The following ABHD2 variants were observed in gnomAD, a reference collection of about 807,000 sequenced individuals.
The protein encoded by ABHD2 is monoacylglycerol lipase ABHD2.
A neutral mutation model predicts 48.1 loss-of-function variants in ABHD2; 20 were observed. The ratio of observed to expected loss-of-function variants is 0.42; its 90% CI spans 0.29 to 0.60. The LOEUF is 0.60. Among genes scored for constraint, ABHD2 ranks in the 20% least tolerant of loss-of-function variants. The pLI, the probability that ABHD2 is intolerant of heterozygous loss-of-function variation, is 0.24. For synonymous variants in ABHD2, 209 were observed against 214.2 expected, an observed-to-expected ratio of 0.98 and a Z score of 0.21; for missense variants, 405 against 550.9, an observed-to-expected ratio of 0.74 and a Z score of 2.65.
chr15:89,076,578 G>T, the ABHD2 span, among the ~76,000 whole-genome samples: 1 of 152,022 alleles, frequency 6.6e-6, no homozygotes, highest in Non-Finnish European at 1.5e-5. Context: ...CTACCTCCTG[G>T]GCTCAGGTGA....
At position 89,186,243 on chromosome 15, in the gene ABHD2, G is replaced by A. The variant is rs1024855672; in HGVS notation, c.815+727G>A. Among the ~76,000 whole-genome samples, 5 of 152,260 alleles carry A rather than the reference G, an allele frequency of 3.3e-5. No individual in the cohort carries two copies. The South Asian group carries it at 6.2e-4, about 19-fold the overall frequency. ...GCATGGTTTCGGCGCCTCCCTGCTC[G>A]GAGTTTGAGCCTCTCCTTATTCTTC... On this transcript the variant is annotated intron_variant, in intron 7 of 10. Transcript: ENST00000352732. The surrounding 1 kb of genome is among the most constrained non-coding windows in gnomAD (Gnocchi z 4.3).
intron 3 of ABHD2, among the ~76,000 whole-genome samples, chr15:89,130,046 G>A (rs927575560): frequency 6.6e-6 from 1 of 152,256 alleles, no homozygotes; most frequent in East Asian, 1.9e-4. Context: ...CATGTAATAA[G>A]CACCTCATAA....
At chr15:89,107,487 G>A (rs971982326) in intron 1 of ABHD2, among the ~76,000 whole-genome samples, 3 of 152,124 alleles carry the variant, frequency 2.0e-5, no homozygotes, top group Non-Finnish European at 2.9e-5. Context: ...GTTTACTGAG[G>A]CAAAATGGAG....
chr15:89,140,667 GC>G (rs576177709), intron 3 of ABHD2, among the ~76,000 whole-genome samples: 1 of 151,956 alleles, frequency 6.6e-6, no homozygotes. Flanking sequence ...AGGAGCACAG[GC>G]CCCCCCTGTG....
the ABHD2 span, among the ~76,000 whole-genome samples, chr15:89,062,626 G>A: frequency 1.3e-5 from 2 of 152,044 alleles, no homozygotes; most frequent in Non-Finnish European, 2.9e-5. Context: ...GGGCTCAAGC[G>A]ATTCACCTGC....
At position 89,179,715 on chromosome 15, in the gene ABHD2, C is replaced by T. The variant is rs538532833; in HGVS notation, c.722+3720C>T. 6.6e-6 allele frequency among the ~76,000 whole-genome samples: 1 copy of T among 152,310 alleles called. No homozygotes were observed. The highest frequency in any genetic ancestry group is 2.4e-5 in the African/African-American group (1 of 41,576). On this transcript the variant is annotated intron_variant, in intron 6 of 10. Coordinates refer to ENST00000352732, the MANE Select transcript of ABHD2 (RefSeq NM_152924.5). The surrounding 1 kb of genome is among the most constrained non-coding windows in gnomAD (Gnocchi z 4.3). ...CCTAGGCTGTGGACAAATTGTCTTCCACAAAGCCAGTCCCAAGGACTGCTT... is the reference window on the plus strand; with the variant it reads ...CCTAGGCTGTGGACAAATTGTCTTCTACAAAGCCAGTCCCAAGGACTGCTT...
At chr15:89,171,989 A>G (rs1248928867) in intron 5 of ABHD2, among the ~76,000 whole-genome samples, 2 of 151,444 alleles carry the variant, frequency 1.3e-5, no homozygotes, top group African/African-American at 2.4e-5. Context: ...TGATTCAGTA[A>G]GCCATTTAAT....
chr15:89,065,809 C>T, the ABHD2 span, among the ~76,000 whole-genome samples: 1 of 152,172 alleles, frequency 6.6e-6, no homozygotes, highest in Admixed American at 6.5e-5. Flanking sequence ...CTGCTTGCTT[C>T]TGTCCTAATG....
At chr15:89,083,781 T>A (rs1901315015), upstream of ABHD2, among the ~76,000 whole-genome samples, 1 of 152,246 alleles carries the variant, frequency 6.6e-6, no homozygotes, top group Non-Finnish European at 1.5e-5. This position sits in a 1 kb window ranked among gnomAD's most constrained non-coding sequence, Gnocchi z 5.1. Flanking sequence ...AAGCCTTTTC[T>A]AATAACAAAA....
intron 6 of ABHD2, among the ~76,000 whole-genome samples, chr15:89,181,443 AT>A (rs2150937444): frequency 6.6e-6 from 1 of 152,136 alleles, no homozygotes; most frequent in Admixed American, 6.5e-5. Context: ...CTTTCAAGGT[AT>A]TTTTTTAGTA....
intron 3 of ABHD2, among the ~76,000 whole-genome samples, chr15:89,117,749 A>G (rs1336821248): frequency 6.6e-6 from 1 of 152,196 alleles, no homozygotes; most frequent in Non-Finnish European, 1.5e-5. Context: ...GCTGTTGGGG[A>G]CACTGGGTGA....
At chr15:89,159,931 T>C (rs547632306) in intron 5 of ABHD2, among the ~76,000 whole-genome samples, 59 of 152,304 alleles carry the variant, frequency 3.9e-4, no homozygotes, top group African/African-American at 1.4e-3. Context: ...TCAGTACATG[T>C]TTTACTTGTT....
At chr15:89,101,509 G>A (rs1276640709) in intron 1 of ABHD2, among the ~76,000 whole-genome samples, 3 of 152,118 alleles carry the variant, frequency 2.0e-5, no homozygotes, top group Non-Finnish European at 4.4e-5. Flanking sequence ...AATGCTTTAG[G>A]TTAATGCCAC....
At chr15:89,178,170 T>C (rs2051047610) in intron 6 of ABHD2, among the ~76,000 whole-genome samples, 1 of 152,186 alleles carries the variant, frequency 6.6e-6, no homozygotes, top group East Asian at 1.9e-4. Flanking sequence ...AGAACTAACT[T>C]GCCCAGGCTA....
chr15:89,201,014 G>T lies in ABHD2; in HGVS notation c.*5591G>T. 1 of 576,138 alleles carries T rather than the reference G, an allele frequency of 1.7e-6. No homozygotes were observed. Among genetic ancestry groups the T allele is most frequent in the South Asian group, 2.1e-5 (1 of 48,064 alleles). The allele number at this position is 576,138 out of a possible 1,614,324, so 35.7% of individuals were successfully genotyped here. ...GGAGAATTGCTTGAACCCAGGAGAC[G>T]GAGGTTGCAGTGAGCCGAGATCACG... On this transcript the variant is annotated 3_prime_UTR_variant, in exon 11 of 11. Transcript: ENST00000352732.
Position 89,184,495 on chromosome 15 carries a change from A to G in ABHD2, c.723-929A>G, listed in dbSNP as rs2051172523. On this transcript the variant is annotated intron_variant, in intron 6 of 10. Transcript: ENST00000352732. This position sits in a 1 kb window ranked among gnomAD's most constrained non-coding sequence, Gnocchi z 5.1. ...GTTTCCCTGTAATGAGTGTGGACTC[A>G]GTGTCCGCCTGCGTTTGGATTCACG... 6.6e-6 allele frequency among the ~76,000 whole-genome samples: 1 copy of G among 152,054 alleles called. No individual in the cohort carries two copies. Among genetic ancestry groups the G allele is most frequent in the South Asian group, 2.1e-4 (1 of 4,834 alleles).
chr15:89,056,172 A>C, the ABHD2 span, among the ~76,000 whole-genome samples: 1 of 152,146 alleles, frequency 6.6e-6, no homozygotes, highest in Non-Finnish European at 1.5e-5. Context: ...CTTTTAATTA[A>C]AATTTTGTAA....
chr15:89,135,549 A>G, intron 3 of ABHD2: 1 of 1,424,908 alleles, frequency 7.0e-7, no homozygotes, highest in Non-Finnish European at 9.7e-7. Context: ...CAACTTATTC[A>G]TCATCATCTT....
intron 6 of ABHD2, chr15:89,183,356 A>G (rs2051143776): frequency 7.9e-6 from 1 of 126,938 alleles, no homozygotes; most frequent in African/African-American, 2.8e-5. Context: ...TATTGAAGAC[A>G]TCAGTCCTTT....
Sources: allele counts gnomAD v4.1 joint callset (sites outside exome capture counted in the v4.1 genomes callset), GRCh38; gene constraint gnomAD v4.1.1; non-coding constraint Gnocchi (gnomAD v3.1); transcripts MANE v1.5; gene names NCBI Gene and HGNC (gene_info 2026-07-23, HGNC 2026-07-21).